Variants in STXBP6 observed in about 807,000 individuals in gnomAD.
STXBP6 encodes syntaxin binding protein 6.
A neutral mutation model predicts 26.9 loss-of-function variants in STXBP6; 21 were observed. The observed-to-expected ratio is 0.78, with a 90% CI of 0.55 to 1.12. The LOEUF (loss-of-function observed/expected upper bound fraction) is 1.12. Ranked by LOEUF, STXBP6 falls within the 50% of genes most tolerant of loss-of-function variation. The pLI, the probability that STXBP6 is intolerant of heterozygous loss-of-function variation, is 0.00. For missense variants in STXBP6, 232 were observed against 257.9 expected (o/e 0.90, Z 0.69); for synonymous variants, 97 against 92.6 (o/e 1.05, Z -0.27).
intron 1 of STXBP6, among the ~76,000 whole-genome samples, chr14:25,003,707 C>G (rs1301885164): frequency 6.6e-6 from 1 of 151,720 alleles, no homozygotes; most frequent in Non-Finnish European, 1.5e-5. Flanking sequence ...TACACTGATA[C>G]AGCAACCACT....
In STXBP6 at chr14:24,844,819, T is replaced by C. The variant is rs371408168; in HGVS notation, c.451+11117A>G. ...TGTGAACTTGTCTGTAATGATTATA[T>C]ATTAAATAAACTTGACCTTGACATC... On this transcript the variant is annotated intron_variant, in intron 4 of 5. Coordinates refer to ENST00000323944, the MANE Select transcript of STXBP6 (RefSeq NM_001394410.1). Among the ~76,000 whole-genome samples the C allele has an allele frequency of 8.0e-4, 122 of 152,282 alleles. 1 individual carries two copies. The highest frequency in any genetic ancestry group is 2.8e-3 in the African/African-American group (117 of 41,538).
At position 25,015,935 on chromosome 14, in the gene STXBP6, T is replaced by G. The variant is rs529578751; in HGVS notation, c.-33+33943A>C. Among the ~76,000 whole-genome samples, 7 of 152,336 alleles carry G rather than the reference T, an allele frequency of 4.6e-5. No homozygotes were observed. The South Asian group carries it at 1.4e-3, about 32-fold the overall frequency. On this transcript the variant is annotated intron_variant, in intron 1 of 5. Coordinates refer to ENST00000323944, the MANE Select transcript of STXBP6 (RefSeq NM_001394410.1). Reference sequence around the variant, plus strand: ...CACCTTGTAGCTAAGAGTGTGAACTTTGAACCAACTGCCAAGGTTAAAATT... The same window carrying G: ...CACCTTGTAGCTAAGAGTGTGAACTGTGAACCAACTGCCAAGGTTAAAATT...
At chr14:24,895,465 G>A (rs55903316) in intron 2 of STXBP6, among the ~76,000 whole-genome samples, 42,561 of 152,044 alleles carry the variant, frequency 0.28, 6,973 homozygotes, top group Admixed American at 0.44. Flanking sequence ...AGGAGGAGTC[G>A]CAATAACTTT....
At chr14:24,867,885 T>C (rs1479848625) in intron 2 of STXBP6, among the ~76,000 whole-genome samples, 1 of 152,142 alleles carries the variant, frequency 6.6e-6, no homozygotes, top group African/African-American at 2.4e-5. Flanking sequence ...TGAGAACATA[T>C]TTGCAAATCA....
At chr14:24,897,411 A>G (rs1412282719) in intron 2 of STXBP6, among the ~76,000 whole-genome samples, 2 of 106,158 alleles carry the variant, frequency 1.9e-5, no homozygotes, top group African/African-American at 6.6e-5. Flanking sequence ...CTCTGTCTCA[A>G]AAAAAAAAAA....
chr14:24,827,585 AT>A (rs2068324779), intron 4 of STXBP6, among the ~76,000 whole-genome samples: 1 of 152,198 alleles, frequency 6.6e-6, no homozygotes, highest in South Asian at 2.1e-4. Context: ...AATCCAGGAC[AT>A]TCTCTCTCAG....
intron 1 of STXBP6, among the ~76,000 whole-genome samples, chr14:25,030,598 G>A (rs1296612968): frequency 2.0e-5 from 3 of 152,068 alleles, no homozygotes; most frequent in African/African-American, 7.2e-5. Context: ...ATTTTAAACA[G>A]ACAGATTTTA....
At chr14:25,013,421 T>C (rs1182254090) in intron 1 of STXBP6, among the ~76,000 whole-genome samples, 2 of 151,704 alleles carry the variant, frequency 1.3e-5, no homozygotes, top group Non-Finnish European at 2.9e-5. Context: ...AATGAATTGA[T>C]GGATTTAGAC....
At chr14:24,859,745 CTT>C (rs1316768854) in intron 2 of STXBP6, among the ~76,000 whole-genome samples, 1 of 152,126 alleles carries the variant, frequency 6.6e-6, no homozygotes, top group South Asian at 2.1e-4. Flanking sequence ...TTTTGAATGA[CTT>C]TAAAGGTCAG....
chr14:25,022,880 A>G (rs897968643), intron 1 of STXBP6, among the ~76,000 whole-genome samples: 22 of 152,160 alleles, frequency 1.4e-4, no homozygotes, highest in Admixed American at 1.0e-3. Flanking sequence ...AATTTGTCCA[A>G]AATGAAATTC....
intron 2 of STXBP6, among the ~76,000 whole-genome samples, chr14:24,901,282 A>G (rs2071202787): frequency 6.6e-6 from 1 of 152,004 alleles, no homozygotes; most frequent in African/African-American, 2.4e-5. Flanking sequence ...TTAGACAAAC[A>G]CTGTTTTTTG....
intron 5 of STXBP6, chr14:24,817,996 C>A: frequency 4.4e-6 from 2 of 454,704 alleles, no homozygotes; most frequent in Non-Finnish European, 8.9e-6. Context: ...GAAGAGGTCA[C>A]CGCAACTCAG....
At position 25,016,873 on chromosome 14, in the gene STXBP6, G is replaced by A. The variant is rs560128202; in HGVS notation, c.-33+33005C>T. Among the ~76,000 whole-genome samples, 5 of 152,318 alleles carry A rather than the reference G, an allele frequency of 3.3e-5. No individual in the cohort carries two copies. In the East Asian group the frequency reaches 9.6e-4, roughly 29 times the overall value. On this transcript the variant is annotated intron_variant, in intron 1 of 5. Coordinates refer to ENST00000323944, the MANE Select transcript of STXBP6 (RefSeq NM_001394410.1). ...CTCTAATTACATGTGTATTTGGTAT[G>A]AGAACTAAAAGGAAAATTATAAGGC...
intron 2 of STXBP6, among the ~76,000 whole-genome samples, chr14:24,888,851 T>C (rs1331830394): frequency 3.3e-5 from 5 of 152,074 alleles, no homozygotes; most frequent in African/African-American, 4.8e-5. Context: ...CAGTTTAGGG[T>C]AGTGGCAATG....
intron 1 of STXBP6, among the ~76,000 whole-genome samples, chr14:25,027,224 G>T (rs548136091): frequency 4.6e-5 from 7 of 152,178 alleles, no homozygotes; most frequent in Non-Finnish European, 1.0e-4. Context: ...GAAGGTTTGT[G>T]GCAGCCCAGT....
intron 2 of STXBP6, among the ~76,000 whole-genome samples, chr14:24,899,077 C>T (rs1057220930): frequency 6.6e-6 from 1 of 152,112 alleles, no homozygotes; most frequent in African/African-American, 2.4e-5. Flanking sequence ...TGACTCTGAA[C>T]CTATCAGATG....
intron 4 of STXBP6, among the ~76,000 whole-genome samples, chr14:24,824,954 T>C (rs541347299): frequency 3.9e-5 from 6 of 152,346 alleles, no homozygotes; most frequent in Non-Finnish European, 8.8e-5. Flanking sequence ...TCTTAACATC[T>C]ATGTCGGCAT....
intron 4 of STXBP6, among the ~76,000 whole-genome samples, chr14:24,838,397 A>G (rs1317034476): frequency 6.6e-6 from 1 of 152,170 alleles, no homozygotes; most frequent in Non-Finnish European, 1.5e-5. Flanking sequence ...TTCAAAAAAA[A>G]TGGCCAGGCT....
At chr14:24,946,487 T>C (rs1045535051) in intron 2 of STXBP6, among the ~76,000 whole-genome samples, 4 of 151,728 alleles carry the variant, frequency 2.6e-5, no homozygotes, top group Admixed American at 2.6e-4. Context: ...AGGGAAAAAA[T>C]TGAAGGCAGA....
Sources: gnomAD v4.1 joint callset for allele counts (sites outside exome capture counted in the v4.1 genomes callset) on GRCh38, gnomAD v4.1.1 for gene constraint, MANE v1.5 for transcripts, NCBI Gene and HGNC (gene_info 2026-07-23, HGNC 2026-07-21) for gene names.